The following STXBP5L variants were observed in gnomAD, a reference collection of about 807,000 sequenced individuals.
The protein encoded by STXBP5L is syntaxin binding protein 5L, also known as syntaxin-binding protein 5-like.
A neutral mutation model predicts 144.5 loss-of-function variants in STXBP5L; 65 were observed. The ratio of observed to expected loss-of-function variants is 0.45; its 90% CI spans 0.37 to 0.55. The LOEUF is 0.55. STXBP5L is among the 20% of genes least tolerant of loss of function. The probability of loss-of-function intolerance (pLI) is 0.00; values close to 1 mark genes in which losing one functional copy is unlikely to be tolerated. For synonymous variants in STXBP5L, 505 were observed against 469.6 expected, an observed-to-expected ratio of 1.08 and a Z score of -0.97; for missense variants, 1,298 against 1,405.5, an observed-to-expected ratio of 0.92 and a Z score of 1.22.
intron 3 of STXBP5L, among the ~76,000 whole-genome samples, chr3:120,960,361 G>T (rs1576492328): frequency 6.6e-6 from 1 of 152,102 alleles, no homozygotes; most frequent in Non-Finnish European, 1.5e-5. Context: ...CGATTCCTCA[G>T]GGATCTAGAA....
intron 9 of STXBP5L, among the ~76,000 whole-genome samples, chr3:121,198,431 G>T (rs1274377748): frequency 2.0e-5 from 3 of 151,982 alleles, no homozygotes; most frequent in African/African-American, 4.8e-5. Flanking sequence ...CATTCTGTTG[G>T]TTGCCTGTTC....
intron 9 of STXBP5L, among the ~76,000 whole-genome samples, chr3:121,164,096 C>T (rs1296334932): frequency 6.6e-6 from 1 of 152,110 alleles, no homozygotes; most frequent in Non-Finnish European, 1.5e-5. Context: ...CCCATACCCA[C>T]TAGCAGTTCA....
chr3:120,961,212 C>T (rs941195107), intron 3 of STXBP5L, among the ~76,000 whole-genome samples: 3 of 147,958 alleles, frequency 2.0e-5, no homozygotes, highest in Non-Finnish European at 4.5e-5. Flanking sequence ...TTTTTTCCCC[C>T]GTGATACATC....
At chr3:121,287,526 T>C (rs2051271612) in intron 19 of STXBP5L, among the ~76,000 whole-genome samples, 1 of 152,072 alleles carries the variant, frequency 6.6e-6, no homozygotes, top group South Asian at 2.1e-4. Flanking sequence ...AGACAACAGA[T>C]ACGAAAGACC....
At chr3:121,028,100 AT>A (rs1439870810) in intron 3 of STXBP5L, among the ~76,000 whole-genome samples, 1 of 152,120 alleles carries the variant, frequency 6.6e-6, no homozygotes, top group Admixed American at 6.6e-5. Flanking sequence ...AAATAAATTA[AT>A]TAATACAAGT....
At chr3:121,305,200 C>A (rs775549956) in intron 19 of STXBP5L, among the ~76,000 whole-genome samples, 2 of 152,110 alleles carry the variant, frequency 1.3e-5, no homozygotes, top group Non-Finnish European at 2.9e-5. Flanking sequence ...AAACTACAAG[C>A]CACAGGTGGC....
intron 13 of STXBP5L, 104 bp from the exon 14 acceptor site, chr3:121,240,336 T>C (rs2049626307): frequency 3.8e-6 from 4 of 1,062,120 alleles, no homozygotes; most frequent in Middle Eastern, 2.8e-4. Flanking sequence ...TTTACACTTA[T>C]TTTTCTTTAA....
At chr3:120,970,803 T>C (rs987120041) in intron 3 of STXBP5L, among the ~76,000 whole-genome samples, 1 of 152,156 alleles carries the variant, frequency 6.6e-6, no homozygotes, top group African/African-American at 2.4e-5. Flanking sequence ...GCCTGCTGTT[T>C]TTTTCCATTC....
intron 9 of STXBP5L, among the ~76,000 whole-genome samples, chr3:121,187,343 T>G (rs1323803635): frequency 7.0e-6 from 1 of 143,400 alleles, no homozygotes; most frequent in Admixed American, 7.5e-5. Flanking sequence ...TAGGTGGGAA[T>G]TGAACAAAGA....
At chr3:121,391,353 G>T (rs1011530766) in intron 22 of STXBP5L, among the ~76,000 whole-genome samples, 2 of 152,090 alleles carry the variant, frequency 1.3e-5, no homozygotes, top group Non-Finnish European at 2.9e-5. Context: ...GCTTGGAGAA[G>T]TTTCTTATTA....
intron 23 of STXBP5L, among the ~76,000 whole-genome samples, chr3:121,410,634 T>G (rs1368002985): frequency 1.3e-5 from 2 of 151,840 alleles, no homozygotes; most frequent in East Asian, 3.9e-4. Context: ...GTTACTTAGA[T>G]CCTAAGTACC....
At chr3:121,412,744 A>AAAAAAAAAT (rs2047144869) in intron 23 of STXBP5L, among the ~76,000 whole-genome samples, 1 of 148,568 alleles carries the variant, frequency 6.7e-6, no homozygotes, top group East Asian at 1.9e-4. Context: ...AAAAAAAAAA[A>AAAAAAAAAT]AAAAACAAAA....
At chr3:120,980,338 T>C (rs900850073) in intron 3 of STXBP5L, among the ~76,000 whole-genome samples, 2 of 152,216 alleles carry the variant, frequency 1.3e-5, no homozygotes, top group African/African-American at 4.8e-5. Flanking sequence ...CCCACTATTA[T>C]TGTTTTGCTA....
intron 16 of STXBP5L, among the ~76,000 whole-genome samples, chr3:121,256,197 T>C (rs575128919): frequency 6.6e-5 from 10 of 152,060 alleles, no homozygotes; most frequent in Admixed American, 1.3e-4. Flanking sequence ...GATGATTATA[T>C]AAAGACATTA....
chr3:121,151,872 C>G (rs534063477), intron 7 of STXBP5L, among the ~76,000 whole-genome samples: 66 of 152,004 alleles, frequency 4.3e-4, no homozygotes, highest in African/African-American at 1.5e-3. Context: ...TAAAGATGAT[C>G]ATATTATAAT....
At position 121,047,516 on chromosome 3, in the gene STXBP5L, C is replaced by T. The variant is rs192233669; in HGVS notation, c.470+1981C>T. The stretch of plus-strand genomic sequence containing the variant: ...CTCTTTGTAGGTCTCTAAGAACTCG[C>T]TTTATGAATCCGGGTACTCCTGTGT... On this transcript the variant is annotated intron_variant, in intron 5 of 26. Coordinates refer to ENST00000471454, the MANE Select transcript of STXBP5L (RefSeq NM_001308330.2). Among the ~76,000 whole-genome samples the T allele has an allele frequency of 6.4e-4, 98 of 152,270 alleles. 1 individual carries two copies. The highest frequency in any genetic ancestry group is 2.2e-3 in the African/African-American group (92 of 41,550).
At chr3:121,207,723 C>T (rs2048393701) in intron 10 of STXBP5L, among the ~76,000 whole-genome samples, 1 of 152,140 alleles carries the variant, frequency 6.6e-6, no homozygotes, top group Admixed American at 6.5e-5. Flanking sequence ...CCAACAGACA[C>T]ATGAAAAAAT....
intron 18 of STXBP5L, among the ~76,000 whole-genome samples, 158 bp downstream of exon 18, chr3:121,259,326 G>A (rs1284427794): frequency 2.0e-5 from 3 of 152,126 alleles, no homozygotes; most frequent in South Asian, 4.1e-4. Context: ...TTTACATTAT[G>A]GTTTTTTGTT....
At chr3:121,415,000 A>G (rs1240302143) in intron 24 of STXBP5L, among the ~76,000 whole-genome samples, 2 of 152,186 alleles carry the variant, frequency 1.3e-5, no homozygotes, top group Non-Finnish European at 2.9e-5. Flanking sequence ...GGAACCAAAT[A>G]GATGATGTTG....
Sources: allele counts gnomAD v4.1 joint callset (sites outside exome capture counted in the v4.1 genomes callset), GRCh38; gene constraint gnomAD v4.1.1; transcripts MANE v1.5; gene names NCBI Gene and HGNC (gene_info 2026-07-23, HGNC 2026-07-21).